IFI6: variants seen among roughly 807,000 people sequenced by gnomAD.
IFI6 encodes interferon alpha-inducible protein 6.
Under a neutral mutation model 12.7 loss-of-function variants are expected in IFI6, and 10 were observed. The observed-to-expected ratio is 0.79, with a 90% CI of 0.49 to 1.33. The LOEUF (loss-of-function observed/expected upper bound fraction) is 1.33. Among genes scored for constraint, IFI6 ranks in the 40% most tolerant of loss-of-function variants. The pLI is 0.00. For missense variants in IFI6, 154 were observed against 180.4 expected (o/e 0.85, Z 0.84); for synonymous variants, 89 against 86.2 (o/e 1.03, Z -0.18).
chr1:27,671,055 C>T (rs1441395516), intron 1 of IFI6, among the ~76,000 whole-genome samples: 4 of 152,222 alleles, frequency 2.6e-5, no homozygotes, highest in Non-Finnish European at 5.9e-5. Flanking sequence ...TGAACCTATG[C>T]TCTTTCCTTT....
At position 27,668,468 on chromosome 1, in the gene IFI6, G is replaced by C. The variant is rs768901012; in HGVS notation, c.138C>G (p.Ala46=). 2.7e-5 allele frequency: 43 copies of C among 1,611,240 alleles called. No individual in the cohort carries two copies. The highest frequency in any genetic ancestry group is 1.6e-4 in the Middle Eastern group (1 of 6,080). ...GCCCTCCAGACCCACCTCCTCCGAC[G>C]GCCATGAAGGTCAGGGCCTTCCAGA... ...SGFWKALTFM[A]VGGGLAVAGL... Residue 46 remains alanine (A), a synonymous_variant, in exon 3 of 5, where the codon GCC becomes GCG. Coordinates refer to ENST00000361157, the MANE Select transcript of IFI6 (RefSeq NM_002038.4).
chr1:27,668,091 G>A, intron 4 of IFI6, 135 bp downstream of exon 4: 1 of 873,660 alleles, frequency 1.1e-6, no homozygotes, highest in Non-Finnish European at 1.6e-6. Context: ...AATAAATAAA[G>A]AATCACTTAA....
chr1:27,666,318 AG>A lies in IFI6; in HGVS notation c.*62del. On this transcript the variant is annotated 3_prime_UTR_variant, in exon 5 of 5. Transcript: ENST00000361157. ...AAAAAAAAAAAAAAAAAAAAGGCAA[AG>A]TTCTAGATCCTAACTGGAAGAGTTA... is the stretch of plus-strand genomic sequence containing the variant. The A allele has an allele frequency of 1.4e-5, 11 of 775,940 alleles. No individual in the cohort carries two copies. Among genetic ancestry groups the A allele is most frequent in the Non-Finnish European group, 2.3e-5 (11 of 484,930 alleles). The allele number at this position is 775,940 out of a possible 1,614,324, so 48.1% of individuals were successfully genotyped here. A position where few individuals can be genotyped will look rare whatever the true frequency, so the allele number is the denominator to read the frequency against.
intron 1 of IFI6, 102 bp downstream of exon 1, chr1:27,672,021 G>C (rs1423308237): frequency 6.6e-6 from 1 of 152,266 alleles, no homozygotes; most frequent in Non-Finnish European, 1.5e-5. Context: ...CCTCCCAGGA[G>C]AAGGGGCCTC....
chr1:27,669,402 C>T, intron 1 of IFI6, 56 bp from the exon 2 acceptor site: 1 of 1,060,344 alleles, frequency 9.4e-7, no homozygotes, highest in Non-Finnish European at 1.4e-6. Context: ...CTCATCAGCT[C>T]CGTTGTTTTC....
rs2090349572 is a variant in IFI6, at chr1:27,666,238, C to G, written c.*143G>C. On this transcript the variant is annotated 3_prime_UTR_variant, in exon 5 of 5. Transcript: ENST00000361157. ...AGGCTGCAGTGTACTATGTTCGCAT[C>G]TGTGAATAGCCACTGCACTCTAGCC... The G allele has an allele frequency of 1.9e-6, 1 of 537,020 alleles. No individual in the cohort carries two copies. The highest frequency in any genetic ancestry group is 2.4e-5 in the African/African-American group (1 of 42,518). 33.3% of individuals were successfully genotyped at this position (537,020 alleles called of 1,614,324 possible). A position where few individuals can be genotyped will look rare whatever the true frequency, so the allele number is the denominator to read the frequency against.
intron 2 of IFI6, among the ~76,000 whole-genome samples, chr1:27,668,879 C>T (rs1044484912): frequency 2.0e-5 from 3 of 152,030 alleles, no homozygotes; most frequent in Non-Finnish European, 4.4e-5. Flanking sequence ...TCCTTTATCC[C>T]ACACTCCTCC....
At chr1:27,668,150 T>A in intron 4 of IFI6, 76 bp downstream of exon 4, 5 of 1,246,802 alleles carry the variant, frequency 4.0e-6, no homozygotes, top group Non-Finnish European at 5.3e-6. Flanking sequence ...AATTCCTGAG[T>A]GCCTCAGTTT....
In IFI6 at chr1:27,668,230, G is replaced by GCT; in HGVS notation, c.292_293dup (p.Ser98ArgfsTer12). On this transcript the variant is annotated frameshift_variant, in exon 4 of 5. Coordinates refer to ENST00000361157, the MANE Select transcript of IFI6 (RefSeq NM_002038.4). LOFTEE classifies it low-confidence loss of function (END_TRUNC). ...GGGCCCAGGCCCCGCACTCACCGAGGCTCTGCAGCGTGGCCACTAGCCCCC... is the reference window on the plus strand; with the variant it reads ...GGGCCCAGGCCCCGCACTCACCGAGGCTCTCTGCAGCGTGGCCACTAGCCCCC... 2 of 1,552,192 alleles carry GCT rather than the reference G, an allele frequency of 1.3e-6. 1 individual carries two copies. Among genetic ancestry groups the GCT allele is most frequent in the South Asian group, 2.4e-5 (2 of 84,152 alleles).
chr1:27,669,532 C>G (rs897267180), intron 1 of IFI6, 186 bp from the exon 2 acceptor site: 1 of 546,230 alleles, frequency 1.8e-6, no homozygotes. Context: ...GATGTCCCTG[C>G]CCCAACCGGT....
intron 1 of IFI6, 30 bp from the exon 2 acceptor site, chr1:27,669,376 C>T (rs1419209332): frequency 4.9e-5 from 70 of 1,422,260 alleles, no homozygotes; most frequent in Non-Finnish European, 6.8e-5. Context: ...AGATGGTCCC[C>T]GGAGCATTTT....
chr1:27,666,544 C>T lies in IFI6; in HGVS notation c.299-69G>A, dbSNP rs75162847. ...GCCTGGGAATCCAAATGTCTGGAAA[C>T]CATTGGTTGAGTCCAACCCCTTATG... On this transcript the variant is annotated intron_variant, in intron 4 of 4. Transcript: ENST00000361157. The T allele has an allele frequency of 1.4e-3, 1,570 of 1,156,424 alleles. 23 individuals are homozygous for T. The African/African-American group carries it at 0.021, about 16-fold the overall frequency. The allele number at this position is 1,156,424 out of a possible 1,614,324, so 71.6% of individuals were successfully genotyped here.
At chr1:27,667,446 T>C (rs2090360608) in intron 4 of IFI6, among the ~76,000 whole-genome samples, 1 of 152,084 alleles carries the variant, frequency 6.6e-6, no homozygotes, top group African/African-American at 2.4e-5. Context: ...AATAGATTGA[T>C]CAATCGATAG....
At position 27,666,274 on chromosome 1, in the gene IFI6, A is replaced by C; in HGVS notation, c.*107T>G. On this transcript the variant is annotated 3_prime_UTR_variant, in exon 5 of 5. Coordinates refer to ENST00000361157, the MANE Select transcript of IFI6 (RefSeq NM_002038.4). ...CACTGCACTCTAGCCTGGACAATAT[A>C]GTGAGAACCCATCTCAAAAAAAAAA... is the stretch of plus-strand genomic sequence containing the variant. 1 of 624,052 alleles carries C rather than the reference A, an allele frequency of 1.6e-6. No homozygotes were observed. Among genetic ancestry groups the C allele is most frequent in the Non-Finnish European group, 2.5e-6 (1 of 392,380 alleles). The allele number at this position is 624,052 out of a possible 1,614,324, so 38.7% of individuals were successfully genotyped here.
In IFI6 at chr1:27,666,363, G is replaced by A. The variant is rs762099989; in HGVS notation, c.*18C>T. The A allele has an allele frequency of 1.3e-6, 2 of 1,549,164 alleles. No homozygotes were observed. The highest frequency in any genetic ancestry group is 2.2e-5 in the South Asian group (2 of 88,982). ...AGAGTTAGGCCAAGAAGGAAGAAGA[G>A]GTTCTGGGAGCTGCTGGCTACTCCT... is the stretch of plus-strand genomic sequence containing the variant. On this transcript the variant is annotated 3_prime_UTR_variant, in exon 5 of 5. Coordinates refer to ENST00000361157, the MANE Select transcript of IFI6 (RefSeq NM_002038.4).
intron 1 of IFI6, among the ~76,000 whole-genome samples, chr1:27,670,869 A>G (rs923114312): frequency 1.3e-5 from 2 of 152,204 alleles, no homozygotes; most frequent in Admixed American, 1.3e-4. Flanking sequence ...CCATCAGTCA[A>G]CTTATTAGAC....
intron 2 of IFI6, 108 bp from the exon 3 acceptor site, chr1:27,668,643 C>T: frequency 3.6e-6 from 3 of 830,852 alleles, no homozygotes; most frequent in Non-Finnish European, 1.9e-6. Flanking sequence ...GGCCACCACT[C>T]TCCTACTCAG....
Position 27,666,417 on chromosome 1 carries a change from G to T in IFI6, c.357C>A (p.Thr119=). ...GNIGALMGYA[T]HKYLDSEEDE... ...CCTCCTCACTATCGAGATACTTGTG[G>T]GTGGCGTAGCCCATCAGGGCACCAA... The change falls in exon 5 of 5, where the codon ACC becomes ACA. Residue 119 remains threonine, a synonymous_variant. Coordinates refer to ENST00000361157, the MANE Select transcript of IFI6 (RefSeq NM_002038.4). 6.2e-7 allele frequency: 1 copy of T among 1,613,632 alleles called. No homozygotes were observed. The highest frequency in any genetic ancestry group is 8.5e-7 in the Non-Finnish European group (1 of 1,179,818).
intron 1 of IFI6, among the ~76,000 whole-genome samples, chr1:27,670,612 T>C (rs1571435243): frequency 6.6e-6 from 1 of 152,160 alleles, no homozygotes; most frequent in East Asian, 1.9e-4. Context: ...TTATGGATAT[T>C]ACAAATGCTC....
Sources: allele counts gnomAD v4.1 joint callset (sites outside exome capture counted in the v4.1 genomes callset), GRCh38; gene constraint gnomAD v4.1.1; transcripts MANE v1.5; gene names NCBI Gene and HGNC (gene_info 2026-07-23, HGNC 2026-07-21).